SCPPPQ1: variants seen among roughly 807,000 people sequenced by gnomAD.
SCPPPQ1 encodes the protein secretory calcium-binding phosphoprotein proline-glutamine rich 1.
the SCPPPQ1 span, among the ~76,000 whole-genome samples, chr4:87,470,791 A>G: frequency 6.6e-6 from 1 of 152,178 alleles, no homozygotes; most frequent in African/African-American, 2.4e-5. Flanking sequence ...TCTGATTTCA[A>G]TCTTAGTGCT....
the SCPPPQ1 span, among the ~76,000 whole-genome samples, chr4:87,463,086 CA>C: frequency 6.7e-6 from 1 of 150,072 alleles, no homozygotes; most frequent in Admixed American, 6.6e-5. Flanking sequence ...TGTGAAATAT[CA>C]AGGACATTAT....
chr4:87,464,503 C>CGA, the SCPPPQ1 span, among the ~76,000 whole-genome samples: 1 of 152,016 alleles, frequency 6.6e-6, no homozygotes, highest in South Asian at 2.1e-4. Flanking sequence ...TTTGGGATCA[C>CGA]CTCTTTCTGA....
the SCPPPQ1 span, among the ~76,000 whole-genome samples, chr4:87,469,533 G>A: frequency 2.0e-5 from 3 of 152,138 alleles, no homozygotes; most frequent in Admixed American, 6.6e-5. Context: ...CTTTCTAGCC[G>A]AGAAATGCGA....
chr4:87,469,549 C>T, the SCPPPQ1 span, among the ~76,000 whole-genome samples: 1 of 152,144 alleles, frequency 6.6e-6, no homozygotes, highest in South Asian at 2.1e-4. Flanking sequence ...TGCGATGACT[C>T]TAAATCTGAA....
At chr4:87,468,200 G>A in the SCPPPQ1 span, among the ~76,000 whole-genome samples, 1 of 152,268 alleles carries the variant, frequency 6.6e-6, no homozygotes, top group East Asian at 1.9e-4. Context: ...AATTAATTTT[G>A]TGCAATGATT....
the SCPPPQ1 span, among the ~76,000 whole-genome samples, chr4:87,470,941 A>G: frequency 6.6e-6 from 1 of 152,156 alleles, no homozygotes; most frequent in Non-Finnish European, 1.5e-5. Context: ...AAATTACCCA[A>G]TACAAGAATA....
At chr4:87,466,852 C>T in the SCPPPQ1 span, among the ~76,000 whole-genome samples, 1 of 151,860 alleles carries the variant, frequency 6.6e-6, no homozygotes, top group Non-Finnish European at 1.5e-5. Flanking sequence ...ATAGTGAGGT[C>T]CTTGTCTGTA....
chr4:87,467,216 A>C, the SCPPPQ1 span, among the ~76,000 whole-genome samples: 2 of 152,160 alleles, frequency 1.3e-5, no homozygotes, highest in Non-Finnish European at 2.9e-5. Flanking sequence ...CTGAACTTAT[A>C]CTGTTTGTAC....
chr4:87,469,994 C>T, the SCPPPQ1 span, among the ~76,000 whole-genome samples: 1 of 140,498 alleles, frequency 7.1e-6, no homozygotes, highest in Non-Finnish European at 1.5e-5. Flanking sequence ...TGCTCTGTCA[C>T]TCAGGCTGGA....
chr4:87,461,625 G>A, the SCPPPQ1 span, among the ~76,000 whole-genome samples: 1 of 152,184 alleles, frequency 6.6e-6, no homozygotes, highest in East Asian at 1.9e-4. Context: ...AGAAGGATAT[G>A]CAAAGTTTCC....
At chr4:87,465,559 C>CAAAAAA in the SCPPPQ1 span, among the ~76,000 whole-genome samples, 35 of 98,300 alleles carry the variant, frequency 3.6e-4, no homozygotes, top group African/African-American at 7.9e-4. Flanking sequence ...TAGAAATCTA[C>CAAAAAA]AAAAAAAAAA....
chr4:87,468,679 T>A, the SCPPPQ1 span, among the ~76,000 whole-genome samples: 2 of 152,244 alleles, frequency 1.3e-5, no homozygotes. Flanking sequence ...AGAAAAGCGC[T>A]GCTGTTAAGC....
the SCPPPQ1 span, among the ~76,000 whole-genome samples, chr4:87,465,452 G>T: frequency 1.3e-5 from 2 of 148,768 alleles, no homozygotes; most frequent in East Asian, 2.0e-4. Flanking sequence ...TAAATCTAAA[G>T]AATTTTCAAG....
the SCPPPQ1 span, among the ~76,000 whole-genome samples, chr4:87,465,517 C>A: frequency 7.5e-6 from 1 of 132,740 alleles, no homozygotes; most frequent in Non-Finnish European, 1.5e-5. Context: ...GTATAACCAC[C>A]TGATTTGGAT....
chr4:87,461,794 G>A, the SCPPPQ1 span, among the ~76,000 whole-genome samples: 2 of 152,080 alleles, frequency 1.3e-5, no homozygotes, highest in Non-Finnish European at 2.9e-5. Context: ...TTAATAAACT[G>A]ACTTTAAAAT....
chr4:87,468,784 T>C, the SCPPPQ1 span, among the ~76,000 whole-genome samples: 1 of 152,230 alleles, frequency 6.6e-6, no homozygotes, highest in Non-Finnish European at 1.5e-5. Context: ...TAATGAAATA[T>C]GTATACTGCA....
At chr4:87,468,008 C>T in the SCPPPQ1 span, among the ~76,000 whole-genome samples, 8 of 152,076 alleles carry the variant, frequency 5.3e-5, no homozygotes, top group South Asian at 2.1e-4. Context: ...GCATATTGTT[C>T]GAGCTTGCAA....
At chr4:87,467,705 G>T in the SCPPPQ1 span, among the ~76,000 whole-genome samples, 1 of 152,144 alleles carries the variant, frequency 6.6e-6, no homozygotes. Context: ...CCTGGGGACT[G>T]CCTAAAGCCT....
At chr4:87,461,254 G>A in the SCPPPQ1 span, among the ~76,000 whole-genome samples, 18 of 152,258 alleles carry the variant, frequency 1.2e-4, no homozygotes, top group South Asian at 1.5e-3. Flanking sequence ...AAGGTTGCCC[G>A]CAGTTTTATT....
Sources: allele counts gnomAD v4.1 joint callset (sites outside exome capture counted in the v4.1 genomes callset), GRCh38; gene constraint gnomAD v4.1.1; transcripts MANE v1.5; gene names NCBI Gene and HGNC (gene_info 2026-07-23, HGNC 2026-07-21).